Variants in GRIK2 observed in about 807,000 individuals in gnomAD.
GRIK2 encodes glutamate ionotropic receptor kainate type subunit 2.
GRIK2 carries 32 observed loss-of-function variants against 100.3 expected under a neutral mutation model. That is an observed-to-expected ratio of 0.32 (90% CI 0.24 to 0.43). The LOEUF (loss-of-function observed/expected upper bound fraction) is 0.43. Among genes scored for constraint, GRIK2 ranks in the 20% least tolerant of loss-of-function variants. GRIK2 has a pLI of 1.00. For missense variants in GRIK2, 843 were observed against 1,114.9 expected (o/e 0.76, Z 3.47); for synonymous variants, 417 against 389.4 (o/e 1.07, Z -0.83).
chr6:101,882,558 T>C (rs1786325981), intron 11 of GRIK2, among the ~76,000 whole-genome samples: 1 of 152,022 alleles, frequency 6.6e-6, no homozygotes, highest in Non-Finnish European at 1.5e-5. Flanking sequence ...CTAAATCTAT[T>C]ACTTTTTTTT....
chr6:101,528,617 A>G (rs1775267961), intron 2 of GRIK2, among the ~76,000 whole-genome samples: 1 of 152,176 alleles, frequency 6.6e-6, no homozygotes, highest in Non-Finnish European at 1.5e-5. Flanking sequence ...TGCAGTTTTC[A>G]AAGTGTTACT....
chr6:101,610,610 A>T (rs1204874621), intron 2 of GRIK2, among the ~76,000 whole-genome samples: 1 of 151,818 alleles, frequency 6.6e-6, no homozygotes, highest in East Asian at 1.9e-4. Context: ...TCCACAATTT[A>T]CTGTGCAGTT....
Position 101,956,781 on chromosome 6 carries a change from T to C in GRIK2, c.2085+28149T>C, listed in dbSNP as rs529080640. Among the ~76,000 whole-genome samples, 11 of 125,196 alleles carry C rather than the reference T, an allele frequency of 8.8e-5. No individual in the cohort carries two copies. In the South Asian group the frequency reaches 3.1e-3, roughly 35 times the overall value. The allele number at this position is 125,196 out of a possible 152,430, so 82.1% of individuals were successfully genotyped here. On this transcript the variant is annotated intron_variant, in intron 14 of 16. Coordinates refer to ENST00000369134, the MANE Select transcript of GRIK2 (RefSeq NM_021956.5). ...GTGTGTATATATGTGTGTATATATA[T>C]ATAAAATTTTCTTATATATATCAAT...
intron 15 of GRIK2, among the ~76,000 whole-genome samples, chr6:102,042,202 ATGTTTAGTAAACAATC>A (rs1303373555): frequency 9.2e-5 from 14 of 151,644 alleles, no homozygotes; most frequent in African/African-American, 3.1e-4. Flanking sequence ...CTCTAAAGAC[ATGTTTAGTAAACAATC>A]TTTTTAGTAA....
intron 2 of GRIK2, among the ~76,000 whole-genome samples, chr6:101,463,278 A>T (rs1017024339): frequency 6.6e-6 from 1 of 152,220 alleles, no homozygotes; most frequent in Admixed American, 6.5e-5. Flanking sequence ...CTATACCTAA[A>T]TATCTTTGAA....
rs564301583 is a variant in GRIK2 at position 101,665,204 on chromosome 6, A to T, written c.542-11419A>T. Among the ~76,000 whole-genome samples the T allele has an allele frequency of 2.6e-5, 4 of 152,234 alleles. No individual in the cohort carries two copies. In the South Asian group the frequency reaches 8.3e-4, roughly 32 times the overall value. ...TATTGGGCCCAGCCTCAATCATATGATGGGAGTTCTGGCACTCTCTGTCCA... is the reference window on the plus strand; with the variant it reads ...TATTGGGCCCAGCCTCAATCATATGTTGGGAGTTCTGGCACTCTCTGTCCA... On this transcript the variant is annotated intron_variant, in intron 4 of 16. Transcript: ENST00000369134.
chr6:101,844,997 G>A (rs962288338), intron 10 of GRIK2, among the ~76,000 whole-genome samples: 1 of 148,084 alleles, frequency 6.8e-6, no homozygotes, highest in Admixed American at 6.7e-5. Context: ...TGCGTTCATT[G>A]TTTGTTTGTT....
At position 101,963,278 on chromosome 6, in the gene GRIK2, A is replaced by ATTTTTTTTTTTTTTTTTTTTTTTT. The variant is rs3029099; in HGVS notation, c.2085+34660_2085+34683dup. ...TATTTCATATTTATACTTATTTAGG[A>ATTTTTTTTTTTTTTTTTTTTTTTT]TTTTTTTTTTTTTTTTTTTTTTTTT... On this transcript the variant is annotated intron_variant, in intron 14 of 16. Transcript: ENST00000369134. Among the ~76,000 whole-genome samples, 12 of 27,844 alleles carry ATTTTTTTTTTTTTTTTTTTTTTTT rather than the reference A, an allele frequency of 4.3e-4. 5 individuals are homozygous for ATTTTTTTTTTTTTTTTTTTTTTTT. The highest frequency in any genetic ancestry group is 5.0e-4 in the Non-Finnish European group (7 of 14,018). The allele number at this position is 27,844 out of a possible 152,430, so 18.3% of individuals were successfully genotyped here.
chr6:101,946,161 T>A (rs1791263351), intron 14 of GRIK2, among the ~76,000 whole-genome samples: 1 of 151,960 alleles, frequency 6.6e-6, no homozygotes, highest in African/African-American at 2.4e-5. Flanking sequence ...AGTTAGTATG[T>A]TAAGAAAAAT....
At chr6:101,693,472 A>G (rs1474566913) in intron 7 of GRIK2, among the ~76,000 whole-genome samples, 1 of 151,916 alleles carries the variant, frequency 6.6e-6, no homozygotes, top group Non-Finnish European at 1.5e-5. Flanking sequence ...AGGTTTGTTC[A>G]TTGTCTGGGA....
At chr6:101,619,623 C>G (rs1246630334) in intron 2 of GRIK2, among the ~76,000 whole-genome samples, 1 of 151,920 alleles carries the variant, frequency 6.6e-6, no homozygotes, top group Non-Finnish European at 1.5e-5. Context: ...TATTTGCCAG[C>G]AAGAAACCAC....
chr6:101,730,125 C>T (rs557251062), intron 7 of GRIK2, among the ~76,000 whole-genome samples: 31 of 151,986 alleles, frequency 2.0e-4, no homozygotes, highest in Non-Finnish European at 3.5e-4. Context: ...TAGAGAAAAA[C>T]ACAGTTTACT....
At chr6:101,955,581 T>C (rs1305831131) in intron 14 of GRIK2, among the ~76,000 whole-genome samples, 4 of 10,954 alleles carry the variant, frequency 3.7e-4, no homozygotes, top group Non-Finnish European at 1.4e-3. Context: ...AGGCCTTCTC[T>C]CTCTCTCTCT....
At chr6:102,004,285 T>C (rs1268816790) in intron 14 of GRIK2, among the ~76,000 whole-genome samples, 1 of 149,952 alleles carries the variant, frequency 6.7e-6, no homozygotes, top group African/African-American at 2.4e-5. Flanking sequence ...TCCTGTAAGT[T>C]CATTTTTTTT....
At chr6:101,939,300 A>G (rs931009993) in intron 14 of GRIK2, among the ~76,000 whole-genome samples, 2 of 152,028 alleles carry the variant, frequency 1.3e-5, no homozygotes, top group African/African-American at 4.8e-5. Flanking sequence ...CCATAGATAA[A>G]TCGAGAGTAT....
At chr6:101,617,724 C>T (rs1312470508) in intron 2 of GRIK2, among the ~76,000 whole-genome samples, 1 of 151,602 alleles carries the variant, frequency 6.6e-6, no homozygotes, top group Non-Finnish European at 1.5e-5. Flanking sequence ...TTGTCCATTT[C>T]AACTTATCTT....
chr6:101,642,890 C>CAT (rs542473510), intron 4 of GRIK2, among the ~76,000 whole-genome samples: 261 of 151,462 alleles, frequency 1.7e-3, no homozygotes, highest in Non-Finnish European at 2.6e-3. Flanking sequence ...TCCTCACTAA[C>CAT]ATATATATAT....
intron 2 of GRIK2, among the ~76,000 whole-genome samples, chr6:101,477,076 G>T (rs1772275304): frequency 6.6e-6 from 1 of 152,060 alleles, no homozygotes; most frequent in African/African-American, 2.4e-5. Flanking sequence ...ATTCTACCTA[G>T]TTTATGTTTT....
chr6:101,918,707 A>G (rs1462292128), intron 12 of GRIK2, among the ~76,000 whole-genome samples: 1 of 151,702 alleles, frequency 6.6e-6, no homozygotes, highest in African/African-American at 2.4e-5. Flanking sequence ...CTGGAATTCA[A>G]ACCTTCCAGT....
Sources: allele counts gnomAD v4.1 joint callset (sites outside exome capture counted in the v4.1 genomes callset), GRCh38; gene constraint gnomAD v4.1.1; transcripts MANE v1.5; gene names NCBI Gene and HGNC (gene_info 2026-07-23, HGNC 2026-07-21).